Variants in HPSE2 observed in about 807,000 individuals in gnomAD.
HPSE2 encodes the protein heparanase 2 (inactive), also known as inactive heparanase-2.
HPSE2 carries 38 observed loss-of-function variants against 60.5 expected under a neutral mutation model. The observed-to-expected ratio is 0.63, with a 90% CI of 0.48 to 0.82. The LOEUF is 0.82. Among genes scored for constraint, HPSE2 ranks in the 40% least tolerant of loss-of-function variants. HPSE2 has a pLI of 0.00. For missense variants in HPSE2, 713 were observed against 740.4 expected (o/e 0.96, Z 0.43); for synonymous variants, 295 against 293.2 (o/e 1.01, Z -0.06).
chr10:99,146,722 G>A (rs573824694), intron 2 of HPSE2, among the ~76,000 whole-genome samples: 76 of 152,176 alleles, frequency 5.0e-4, no homozygotes, highest in African/African-American at 1.3e-3. Flanking sequence ...TTAGCTGGGC[G>A]TGGTGGCACA....
intron 3 of HPSE2, among the ~76,000 whole-genome samples, chr10:98,795,003 GGAA>G (rs1210690964): frequency 9.1e-6 from 1 of 109,566 alleles, no homozygotes; most frequent in Non-Finnish European, 2.0e-5. Context: ...AGGGGAGGGA[GGAA>G]GGAGAGAGAG....
intron 6 of HPSE2, among the ~76,000 whole-genome samples, chr10:98,689,820 G>A (rs993460640): frequency 6.6e-6 from 1 of 152,146 alleles, no homozygotes; most frequent in Admixed American, 6.5e-5. Flanking sequence ...GGTTATATTT[G>A]AGTCTTAGAG....
chr10:99,302,282 T>C, the HPSE2 span, among the ~76,000 whole-genome samples: 1 of 152,228 alleles, frequency 6.6e-6, no homozygotes, highest in Middle Eastern at 3.4e-3. Context: ...TCCATACTCA[T>C]GCTGTTAAAT....
At chr10:98,960,955 T>C (rs1215065310) in intron 3 of HPSE2, among the ~76,000 whole-genome samples, 1 of 93,374 alleles carries the variant, frequency 1.1e-5, no homozygotes, top group South Asian at 4.6e-4. Flanking sequence ...TGTGATCTCA[T>C]TGTTCAATTC....
chr10:99,159,184 G>T (rs1011906961), intron 2 of HPSE2, among the ~76,000 whole-genome samples: 3 of 151,946 alleles, frequency 2.0e-5, no homozygotes, highest in African/African-American at 4.8e-5. Flanking sequence ...CAATGAACTA[G>T]AAAACAAAAA....
At chr10:98,990,130 A>C (rs1050919040) in intron 3 of HPSE2, among the ~76,000 whole-genome samples, 2 of 152,206 alleles carry the variant, frequency 1.3e-5, no homozygotes, top group African/African-American at 4.8e-5. Flanking sequence ...GTACAACTCA[A>C]GTACATCAAC....
At chr10:98,900,520 T>C (rs1953636963) in intron 3 of HPSE2, among the ~76,000 whole-genome samples, 1 of 152,160 alleles carries the variant, frequency 6.6e-6, no homozygotes, top group African/African-American at 2.4e-5. Context: ...ATGATATGGA[T>C]ATACAGTACA....
chr10:98,497,065 G>A (rs1034343621), intron 9 of HPSE2, among the ~76,000 whole-genome samples: 2 of 151,810 alleles, frequency 1.3e-5, no homozygotes, highest in Non-Finnish European at 2.9e-5. Flanking sequence ...ATGATTTGAT[G>A]TATACTATTA....
Position 99,144,343 on chromosome 10 carries a change from G to T in HPSE2, c.505C>A (p.His169Asn). Residue 169 changes from histidine (H) to asparagine (N), a missense_variant, in exon 3 of 12, where the codon CAC becomes AAC. Physicochemically the swap from His to Asn is moderately conservative, Grantham distance 68. Coordinates refer to ENST00000370552, the MANE Select transcript of HPSE2 (RefSeq NM_021828.5). ...TGGAGCTCCAGCATAACATCAGGGT[G>T]CTGGGCAATCTTGCAGCCTTTCTGT... ...DKQKGCKIAQHPDVMLELQRE... is the reference protein window; with the variant it reads ...DKQKGCKIAQNPDVMLELQRE... The T allele has an allele frequency of 6.2e-7, 1 of 1,614,098 alleles. No individual in the cohort carries two copies. Among genetic ancestry groups the T allele is most frequent in the South Asian group, 1.1e-5 (1 of 91,084 alleles).
chr10:98,524,751 A>T (rs1942909127), intron 9 of HPSE2, among the ~76,000 whole-genome samples: 1 of 152,248 alleles, frequency 6.6e-6, no homozygotes, highest in South Asian at 2.1e-4. Context: ...AACAAAATAC[A>T]TATGTGTGTA....
At chr10:98,530,258 T>C (rs929603286) in intron 9 of HPSE2, among the ~76,000 whole-genome samples, 5 of 152,194 alleles carry the variant, frequency 3.3e-5, no homozygotes, top group Non-Finnish European at 2.9e-5. Flanking sequence ...CAGTTCACCT[T>C]CTGTGTTCCA....
chr10:99,103,892 C>G (rs1258569497), intron 3 of HPSE2, among the ~76,000 whole-genome samples: 1 of 152,146 alleles, frequency 6.6e-6, no homozygotes, highest in African/African-American at 2.4e-5. Flanking sequence ...GAAAGGGTTC[C>G]CTATTTAATC....
intron 3 of HPSE2, among the ~76,000 whole-genome samples, chr10:98,930,767 C>CT (rs1954619969): frequency 6.9e-6 from 1 of 144,370 alleles, no homozygotes; most frequent in South Asian, 2.1e-4. Flanking sequence ...GCATGTATGT[C>CT]TTTTTTTGAG....
At chr10:98,646,701 T>C (rs1004927167) in intron 6 of HPSE2, among the ~76,000 whole-genome samples, 1 of 152,168 alleles carries the variant, frequency 6.6e-6, no homozygotes, top group Non-Finnish European at 1.5e-5. Context: ...ATTCACCAAC[T>C]CTCCTGTCCC....
intron 6 of HPSE2, among the ~76,000 whole-genome samples, chr10:98,679,393 T>C: frequency 6.6e-6 from 1 of 152,182 alleles, no homozygotes; most frequent in East Asian, 1.9e-4. Flanking sequence ...AGCGGCATTT[T>C]CCAGAGTCCA....
At chr10:98,805,195 G>A (rs1951014467) in intron 3 of HPSE2, among the ~76,000 whole-genome samples, 1 of 152,038 alleles carries the variant, frequency 6.6e-6, no homozygotes, top group African/African-American at 2.4e-5. Flanking sequence ...TTTATGCCCA[G>A]TGTTCTATTA....
chr10:98,773,688 C>T (rs2801393), intron 3 of HPSE2, among the ~76,000 whole-genome samples: 123,853 of 152,158 alleles, frequency 0.81, 50,876 homozygotes, highest in African/African-American at 0.9. Context: ...CTTTATTTCA[C>T]GGCAAACAGA....
At chr10:99,166,024 C>G (rs773184996) in intron 2 of HPSE2, among the ~76,000 whole-genome samples, 7 of 152,186 alleles carry the variant, frequency 4.6e-5, no homozygotes, top group Non-Finnish European at 8.8e-5. Flanking sequence ...CTATAGCTTT[C>G]TCTTTTACAG....
intron 9 of HPSE2, among the ~76,000 whole-genome samples, chr10:98,525,685 C>T (rs1389125446): frequency 2.0e-5 from 3 of 152,088 alleles, no homozygotes; most frequent in Non-Finnish European, 4.4e-5. Context: ...CGCTATTTAC[C>T]TGGGTGGCCT....
Sources: allele counts gnomAD v4.1 joint callset (sites outside exome capture counted in the v4.1 genomes callset), GRCh38; gene constraint gnomAD v4.1.1; transcripts MANE v1.5; gene names NCBI Gene and HGNC (gene_info 2026-07-23, HGNC 2026-07-21).